The following UTRN variants were observed in gnomAD, a reference collection of about 807,000 sequenced individuals.
UTRN encodes the protein utrophin, also known as dystrophin-related protein 1.
In UTRN, 283 loss-of-function variants were observed where a neutral mutation model predicts 463.9. The observed-to-expected ratio is 0.61, with a 90% CI of 0.55 to 0.67. UTRN has a LOEUF of 0.67. Ranked by LOEUF, UTRN falls within the 30% of genes least tolerant of loss-of-function variation. The probability of loss-of-function intolerance (pLI) is 0.00; values close to 1 mark genes in which losing one functional copy is unlikely to be tolerated. For missense variants in UTRN, 3,922 were observed against 4,084.3 expected (o/e 0.96, Z 1.08); for synonymous variants, 1,442 against 1,431.5 (o/e 1.01, Z -0.17).
chr6:144,714,872 C>G (rs1016651956), intron 53 of UTRN, among the ~76,000 whole-genome samples: 5 of 152,092 alleles, frequency 3.3e-5, no homozygotes, highest in African/African-American at 1.2e-4. Flanking sequence ...ATTAACTGTT[C>G]CTCGGACTCT....
At chr6:144,794,075 GCTGGAGCCAAATA>G in intron 63 of UTRN, 84 bp downstream of exon 63, 1 of 1,527,352 alleles carries the variant, frequency 6.5e-7, no homozygotes, top group Non-Finnish European at 8.8e-7. Context: ...GGGAACTCGG[GCTGGAGCCAAATA>G]CTGGAAGACT....
intron 55 of UTRN, among the ~76,000 whole-genome samples, chr6:144,750,696 T>G (rs1482554075): frequency 6.6e-6 from 1 of 152,198 alleles, no homozygotes; most frequent in African/African-American, 2.4e-5. Context: ...AATATCCCAG[T>G]TCCATTATCC....
intron 2 of UTRN, among the ~76,000 whole-genome samples, chr6:144,331,817 T>A (rs904547423): frequency 2.0e-5 from 3 of 152,192 alleles, no homozygotes; most frequent in African/African-American, 7.2e-5. Context: ...AAGGAATGTT[T>A]CCCAGAGAAG....
chr6:144,514,332 C>G (rs1372572259), intron 36 of UTRN, among the ~76,000 whole-genome samples: 1 of 152,188 alleles, frequency 6.6e-6, no homozygotes, highest in Non-Finnish European at 1.5e-5. Context: ...GTGCTGCTTA[C>G]TTCTGTATTC....
At chr6:144,398,393 G>A (rs926961989) in intron 2 of UTRN, 1 of 377,942 alleles carries the variant, frequency 2.6e-6, no homozygotes, top group Middle Eastern at 4.1e-4. Flanking sequence ...TGGGCATCTG[G>A]CTGGGATTCT....
chr6:144,375,934 A>G (rs1444953972), intron 2 of UTRN, among the ~76,000 whole-genome samples: 1 of 151,992 alleles, frequency 6.6e-6, no homozygotes, highest in Non-Finnish European at 1.5e-5. Context: ...TCCCCCCCAC[A>G]TAGGGTAGCA....
chr6:144,623,934 C>G (rs1190734998), intron 51 of UTRN, among the ~76,000 whole-genome samples: 1 of 151,988 alleles, frequency 6.6e-6, no homozygotes, highest in Non-Finnish European at 1.5e-5. Context: ...TAAAAGAAGA[C>G]AAGTAGAAGA....
chr6:144,530,072 A>C (rs781117385), intron 41 of UTRN, among the ~76,000 whole-genome samples: 3 of 152,224 alleles, frequency 2.0e-5, no homozygotes, highest in Non-Finnish European at 4.4e-5. Context: ...GTATTTAGGT[A>C]AATGGGACCC....
intron 2 of UTRN, among the ~76,000 whole-genome samples, chr6:144,397,150 A>G (rs1276001476): frequency 6.6e-6 from 1 of 152,096 alleles, no homozygotes; most frequent in Non-Finnish European, 1.5e-5. Flanking sequence ...AGGCTGAGGG[A>G]GGAGAACCGC....
At chr6:144,344,073 G>A (rs1358321868) in intron 2 of UTRN, 53 of 1,068,884 alleles carry the variant, frequency 5.0e-5, no homozygotes, top group East Asian at 1.9e-4. Context: ...TCCTCTCATG[G>A]GAAAAATAAA....
intron 17 of UTRN, 92 bp from the exon 18 acceptor site, chr6:144,451,278 A>AT (rs1183599048): frequency 6.9e-7 from 1 of 1,450,386 alleles, no homozygotes; most frequent in Non-Finnish European, 9.2e-7. Context: ...AAAAAGACAT[A>AT]TTCCTGATGA....
rs760252569 is a variant in UTRN at position 144,551,075 on chromosome 6, A to G, written c.6921A>G (p.Thr2307=). The change falls in exon 48 of 75, where the codon ACA becomes ACG. Residue 2307 remains threonine, a synonymous_variant. Coordinates refer to ENST00000367545, the MANE Select transcript of UTRN (RefSeq NM_007124.3). ...ASSSDMRTAI[T]EKLERVKNQW... is the part of the protein sequence containing the mutation. The stretch of plus-strand genomic sequence containing the variant: ...GTTCAGATATGAGAACAGCAATTAC[A>G]GAAAAATGTAAGTTTTTTAAAAAAA... 6 of 1,590,124 alleles carry G rather than the reference A, an allele frequency of 3.8e-6. No homozygotes were observed. In the South Asian group the frequency reaches 7.0e-5, roughly 18 times the overall value.
At chr6:144,453,726 A>G in intron 18 of UTRN, 56 bp from the exon 19 acceptor site, 1 of 1,482,140 alleles carries the variant, frequency 6.7e-7, no homozygotes. Flanking sequence ...TTAAAACAGC[A>G]ACATTATATT....
chr6:144,764,678 A>G (rs1793073260), intron 58 of UTRN, among the ~76,000 whole-genome samples: 2 of 152,238 alleles, frequency 1.3e-5, no homozygotes, highest in African/African-American at 2.4e-5. Flanking sequence ...AGAAGTAATA[A>G]TGTTTAAAAT....
At chr6:144,462,228 A>G (rs111966216) in intron 22 of UTRN, among the ~76,000 whole-genome samples, 1 of 152,302 alleles carries the variant, frequency 6.6e-6, no homozygotes, top group Non-Finnish European at 1.5e-5. Context: ...ATATACCTGC[A>G]AAGGACATGA....
Position 144,423,978 on chromosome 6 carries a change from C to G in UTRN, c.313-8C>G. On this transcript the variant is annotated splice_region_variant and splice_polypyrimidine_tract_variant and intron_variant, in intron 5 of 74. Coordinates refer to ENST00000367545, the MANE Select transcript of UTRN (RefSeq NM_007124.3). ...TTTTTGTTTTTGTTTTTTGTTTTGTCTTAATAGGTGGAATTAGTGAATATA... is the reference window on the plus strand; with the variant it reads ...TTTTTGTTTTTGTTTTTTGTTTTGTGTTAATAGGTGGAATTAGTGAATATA... The G allele has an allele frequency of 6.2e-7, 1 of 1,611,370 alleles. No homozygotes were observed. The highest frequency in any genetic ancestry group is 8.5e-7 in the Non-Finnish European group (1 of 1,179,080).
intron 69 of UTRN, among the ~76,000 whole-genome samples, chr6:144,829,328 T>C (rs1350685371): frequency 6.6e-6 from 1 of 152,136 alleles, no homozygotes; most frequent in Non-Finnish European, 1.5e-5. Context: ...TGTTAACTCC[T>C]CTGCCAATAT....
At chr6:144,781,112 G>T (rs571329742) in intron 60 of UTRN, among the ~76,000 whole-genome samples, 2 of 152,148 alleles carry the variant, frequency 1.3e-5, no homozygotes, top group Admixed American at 6.5e-5. Context: ...CACCCTCCTG[G>T]CTCTAGCCCC....
At chr6:144,711,340 A>C (rs965810525) in intron 53 of UTRN, among the ~76,000 whole-genome samples, 4 of 152,114 alleles carry the variant, frequency 2.6e-5, no homozygotes, top group Admixed American at 6.6e-5. Flanking sequence ...AACAAAAAAA[A>C]AAAAGCAGCT....
Sources: allele counts gnomAD v4.1 joint callset (sites outside exome capture counted in the v4.1 genomes callset), GRCh38; gene constraint gnomAD v4.1.1; transcripts MANE v1.5; gene names NCBI Gene and HGNC (gene_info 2026-07-23, HGNC 2026-07-21).